NAALADL2: variants seen among roughly 807,000 people sequenced by gnomAD.
The protein encoded by NAALADL2 is inactive N-acetylated-alpha-linked acidic dipeptidase-like protein 2.
Under a neutral mutation model 87.2 loss-of-function variants are expected in NAALADL2, and 76 were observed. The ratio of observed to expected loss-of-function variants is 0.87; its 90% CI spans 0.72 to 1.05. The LOEUF (loss-of-function observed/expected upper bound fraction) is 1.05. Ranked by LOEUF, NAALADL2 falls within the 50% of genes least tolerant of loss-of-function variation. The probability of loss-of-function intolerance (pLI) is 0.00; values close to 1 mark genes in which losing one functional copy is unlikely to be tolerated. For missense variants in NAALADL2, 1,089 were observed against 945.8 expected, an observed-to-expected ratio of 1.15 and a Z score of -1.99; for synonymous variants, 354 against 331.0, an observed-to-expected ratio of 1.07 and a Z score of -0.75.
chr3:174,745,972 C>T (rs749323093), intron 3 of NAALADL2, among the ~76,000 whole-genome samples: 2 of 152,158 alleles, frequency 1.3e-5, no homozygotes, highest in Non-Finnish European at 2.9e-5. Context: ...CAACCAATAT[C>T]ATTCTGAATG....
At chr3:174,829,723 G>C (rs1939768350) in intron 3 of NAALADL2, among the ~76,000 whole-genome samples, 1 of 143,472 alleles carries the variant, frequency 7.0e-6, no homozygotes. Context: ...CTAGTTTACA[G>C]TCCCACCAAC....
At chr3:175,028,676 A>G (rs1356118223) in intron 1 of NAALADL2, among the ~76,000 whole-genome samples, 4 of 152,076 alleles carry the variant, frequency 2.6e-5, no homozygotes, top group Admixed American at 6.6e-5. Context: ...AATGTTGATA[A>G]TATTTTCTAA....
intron 11 of NAALADL2, among the ~76,000 whole-genome samples, chr3:175,722,511 C>G (rs867552047): frequency 6.6e-6 from 1 of 152,124 alleles, no homozygotes; most frequent in South Asian, 2.1e-4. Context: ...GCACTGAATT[C>G]TTGCTACCCC....
intron 2 of NAALADL2, among the ~76,000 whole-genome samples, chr3:174,668,571 C>T (rs1726200787): frequency 6.6e-6 from 1 of 152,090 alleles, no homozygotes; most frequent in African/African-American, 2.4e-5. Flanking sequence ...TCCCTCCCCT[C>T]TCCCCCCACC....
chr3:175,070,172 CTAAAA>C (rs1432953876), intron 1 of NAALADL2, among the ~76,000 whole-genome samples: 1 of 150,728 alleles, frequency 6.6e-6, no homozygotes, highest in Non-Finnish European at 1.5e-5. Context: ...TAATAATAAA[CTAAAA>C]TAAAAATAAA....
chr3:175,251,291 G>A (rs866060932), intron 3 of NAALADL2, among the ~76,000 whole-genome samples: 1 of 152,020 alleles, frequency 6.6e-6, no homozygotes, highest in South Asian at 2.1e-4. Context: ...TTAGTTCCTT[G>A]TTCTTGGTTA....
chr3:174,759,708 T>G (rs997121785), intron 3 of NAALADL2, among the ~76,000 whole-genome samples: 51 of 152,092 alleles, frequency 3.4e-4, no homozygotes, highest in African/African-American at 1.2e-3. Flanking sequence ...AATCACTTTT[T>G]TTTTTTTTTG....
chr3:175,700,600 G>A (rs1738855176), intron 11 of NAALADL2, among the ~76,000 whole-genome samples: 2 of 152,058 alleles, frequency 1.3e-5, no homozygotes, highest in Admixed American at 6.6e-5. Context: ...ACTACCTGAA[G>A]TTGCTTACAG....
intron 1 of NAALADL2, among the ~76,000 whole-genome samples, chr3:174,457,886 G>A (rs974038810): frequency 6.6e-6 from 1 of 152,072 alleles, no homozygotes; most frequent in Non-Finnish European, 1.5e-5. Context: ...ACTAACAGAG[G>A]AACAGAAAAC....
intron 3 of NAALADL2, among the ~76,000 whole-genome samples, chr3:174,798,349 A>T (rs1371628446): frequency 9.2e-5 from 14 of 152,304 alleles, no homozygotes; most frequent in African/African-American, 3.1e-4. Flanking sequence ...TGGGGTTTGA[A>T]ATTTGGAACT....
At position 175,786,270 on chromosome 3, in the gene NAALADL2, C is replaced by A. The variant is rs1172828064; in HGVS notation, c.2190-16735C>A. On this transcript the variant is annotated intron_variant, in intron 13 of 13. Coordinates refer to ENST00000454872, the MANE Select transcript of NAALADL2 (RefSeq NM_207015.3). ...CCTGCCTTGCTAGATTGGGGAAGTT[C>A]TCCTGGATAATATCCTGCAAAGTGT... 6.8e-4 allele frequency among the ~76,000 whole-genome samples: 104 copies of A among 152,192 alleles called. 1 individual carries two copies. The highest frequency in any genetic ancestry group is 2.1e-3 in the South Asian group (10 of 4,818).
intron 5 of NAALADL2, among the ~76,000 whole-genome samples, chr3:175,412,327 A>G (rs956647104): frequency 6.6e-6 from 1 of 152,208 alleles, no homozygotes; most frequent in Admixed American, 6.5e-5. Flanking sequence ...ACATCACTCT[A>G]AAGAAGCAAG....
intron 1 of NAALADL2, among the ~76,000 whole-genome samples, chr3:174,932,145 G>C (rs1288346495): frequency 6.6e-6 from 1 of 152,154 alleles, no homozygotes; most frequent in Non-Finnish European, 1.5e-5. Context: ...GGTGCGGCTT[G>C]CAGTGTTTCT....
intron 5 of NAALADL2, among the ~76,000 whole-genome samples, chr3:175,336,503 T>A (rs1242746041): frequency 6.6e-6 from 1 of 152,118 alleles, no homozygotes; most frequent in Non-Finnish European, 1.5e-5. Flanking sequence ...CTTTTGCAGA[T>A]TTTGTAGCTT....
chr3:174,920,588 C>T (rs1241112793), intron 1 of NAALADL2, among the ~76,000 whole-genome samples: 1 of 152,172 alleles, frequency 6.6e-6, no homozygotes, highest in East Asian at 1.9e-4. Context: ...TCCATTCATA[C>T]CACTAAAACT....
rs144166201 is a variant in NAALADL2, at chr3:174,703,866, T to C, written c.-114-33775T>C. 7.6e-3 allele frequency among the ~76,000 whole-genome samples: 1,155 copies of C among 152,300 alleles called. 16 individuals carry two copies. The highest frequency in any genetic ancestry group is 0.027 in the Middle Eastern group (8 of 294). The stretch of plus-strand genomic sequence containing the variant: ...CACCCTGTGATAGATAAAACAACAT[T>C]CTGAAATGCTAGGGAAGTACAAACT... On this transcript the variant is annotated intron_variant, in intron 2 of 3. Transcript: ENST00000434257.
At chr3:175,459,423 GATAA>G (rs1258911698) in intron 6 of NAALADL2, among the ~76,000 whole-genome samples, 1 of 151,630 alleles carries the variant, frequency 6.6e-6, no homozygotes, top group East Asian at 1.9e-4. Flanking sequence ...CGTAGAAAAG[GATAA>G]ATAGAGAAAT....
chr3:174,566,159 A>C (rs953219098), intron 2 of NAALADL2, among the ~76,000 whole-genome samples: 7 of 151,994 alleles, frequency 4.6e-5, no homozygotes, highest in African/African-American at 1.7e-4. Flanking sequence ...CTAGGATCTT[A>C]GAACACTTGG....
intron 13 of NAALADL2, among the ~76,000 whole-genome samples, chr3:175,764,088 G>C (rs931631736): frequency 6.6e-6 from 1 of 150,944 alleles, no homozygotes; most frequent in African/African-American, 2.4e-5. Context: ...TGAATTAAAG[G>C]CTAATTATTT....
Sources: allele counts gnomAD v4.1 joint callset (sites outside exome capture counted in the v4.1 genomes callset), GRCh38; gene constraint gnomAD v4.1.1; transcripts MANE v1.5; gene names NCBI Gene and HGNC (gene_info 2026-07-23, HGNC 2026-07-21).